The following P2RX7 variants were observed in gnomAD, a reference collection of about 807,000 sequenced individuals.
The protein encoded by P2RX7 is purinergic receptor P2X 7, also known as P2X purinoceptor 7.
In P2RX7, 62 loss-of-function variants were observed where a neutral mutation model predicts 71.6. The ratio of observed to expected loss-of-function variants is 0.87; its 90% CI spans 0.71 to 1.07. The LOEUF (loss-of-function observed/expected upper bound fraction) is 1.07. Among genes scored for constraint, P2RX7 ranks in the 50% least tolerant of loss-of-function variants. P2RX7 has a pLI of 0.00. For synonymous variants in P2RX7, 299 were observed against 283.3 expected (o/e 1.06, Z -0.56); for missense variants, 686 against 748.5 (o/e 0.92, Z 0.97).
At position 121,165,447 on chromosome 12, in the gene P2RX7, C is replaced by T. The variant is rs779423422; in HGVS notation, c.614+10C>T. 1 of 1,609,800 alleles carries T rather than the reference C, an allele frequency of 6.2e-7. No homozygotes were observed. The highest frequency in any genetic ancestry group is 8.5e-7 in the Non-Finnish European group (1 of 1,176,120). ...GCCACAACTACACCACGTAAGTGCC[C>T]AGGCTGCCTGGCTGTCTTAGTTATC... On this transcript the variant is annotated intron_variant, in intron 6 of 12. Coordinates refer to ENST00000328963, the MANE Select transcript of P2RX7 (RefSeq NM_002562.6).
At chr12:121,181,286 A>G (rs1292501079) in intron 12 of P2RX7, among the ~76,000 whole-genome samples, 1 of 152,128 alleles carries the variant, frequency 6.6e-6, no homozygotes, top group East Asian at 1.9e-4. Context: ...TAAATATCCA[A>G]CTTATTCAGC....
At chr12:121,170,743 C>T (rs1278067031) in intron 8 of P2RX7, among the ~76,000 whole-genome samples, 1 of 152,128 alleles carries the variant, frequency 6.6e-6, no homozygotes, top group Non-Finnish European at 1.5e-5. Flanking sequence ...CACTTCACTC[C>T]AGCCTGGGCG....
At chr12:121,184,066 A>C (rs75662095) in intron 12 of P2RX7, among the ~76,000 whole-genome samples, 1 of 56,154 alleles carries the variant, frequency 1.8e-5, no homozygotes, top group Non-Finnish European at 4.2e-5. Flanking sequence ...CCCTCTCTCA[A>C]AAAAAAAAAA....
At position 121,154,693 on chromosome 12, in the gene P2RX7, A is replaced by G; in HGVS notation, c.126-92A>G. The G allele has an allele frequency of 1.2e-6, 1 of 826,128 alleles. No homozygotes were observed. 51.2% of individuals were successfully genotyped at this position (826,128 alleles called of 1,614,324 possible). ...AAGCAAGTCACGCAGCAGAGCTAGG[A>G]TTGGAACAGAAGTGCCTGCATCCTC... On this transcript the variant is annotated intron_variant, in intron 1 of 12. Transcript: ENST00000328963. The surrounding 1 kb of genome is among the most constrained non-coding windows in gnomAD (Gnocchi z 4.2).
chr12:121,161,081 C>T, intron 4 of P2RX7, 107 bp downstream of exon 4: 1 of 843,824 alleles, frequency 1.2e-6, no homozygotes, highest in South Asian at 1.3e-5. Context: ...CAGCTGCCCT[C>T]TTCCACCATC....
At chr12:121,175,173 C>T (rs1416366990) in intron 8 of P2RX7, among the ~76,000 whole-genome samples, 2 of 142,456 alleles carry the variant, frequency 1.4e-5, no homozygotes, top group South Asian at 2.1e-4. Context: ...TAGCCGAGCA[C>T]GGTGGTGCAT....
intron 3 of P2RX7, among the ~76,000 whole-genome samples, chr12:121,160,621 TC>T (rs1404445218): frequency 3.3e-5 from 5 of 152,210 alleles, no homozygotes; most frequent in Admixed American, 6.5e-5. Context: ...GTGTCTGTCT[TC>T]TTTCACTCAG....
chr12:121,175,310 C>CA (rs370710698), intron 8 of P2RX7, 78 bp from the exon 9 acceptor site: 38,828 of 463,514 alleles, frequency 0.084, 82 homozygotes, highest in East Asian at 0.15. Flanking sequence ...GACCCTGTCT[C>CA]AAAAAAAAAA....
Position 121,177,140 on chromosome 12 carries a change from T to C in P2RX7, c.973-7T>C. 6.2e-7 allele frequency: 1 copy of C among 1,613,606 alleles called. No homozygotes were observed. The highest frequency in any genetic ancestry group is 8.5e-7 in the Non-Finnish European group (1 of 1,179,584). The stretch of plus-strand genomic sequence containing the variant: ...CACCTGAGTAAACTCTCCCACTCTG[T>C]TTTTAGGGAGGAAAATTTGACATTA... On this transcript the variant is annotated splice_region_variant and splice_polypyrimidine_tract_variant and intron_variant, in intron 9 of 12. Coordinates refer to ENST00000328963, the MANE Select transcript of P2RX7 (RefSeq NM_002562.6).
At position 121,187,920 on chromosome 12, in the gene P2RX7, G is replaced by A. The variant is rs1326045398; in HGVS notation, c.*3118G>A. 1 of 152,116 alleles carries A rather than the reference G, an allele frequency of 6.6e-6. No homozygotes were observed. The highest frequency in any genetic ancestry group is 1.5e-5 in the Non-Finnish European group (1 of 68,038). 9.4% of individuals were successfully genotyped at this position (152,116 alleles called of 1,614,324 possible). A position where few individuals can be genotyped will look rare whatever the true frequency, so the allele number is the denominator to read the frequency against. The stretch of plus-strand genomic sequence containing the variant: ...TTCACATAGCATTGGTAATAGACAT[G>A]CATTTCTCTTTCTAAAGGGGAGTAA... On this transcript the variant is annotated 3_prime_UTR_variant, in exon 13 of 13. Transcript: ENST00000328963.
At position 121,166,398 on chromosome 12, in the gene P2RX7, C is replaced by T. The variant is rs141153510; in HGVS notation, c.744+211C>T. Reference sequence around the variant, plus strand: ...ATGAGTGAGAGCTACTTGGTGTATTCCTTTCCTGTGGCTGCTGTAGCAAGT... The same window carrying T: ...ATGAGTGAGAGCTACTTGGTGTATTTCTTTCCTGTGGCTGCTGTAGCAAGT... On this transcript the variant is annotated intron_variant, in intron 7 of 12. Transcript: ENST00000328963. 2.6e-5 allele frequency among the ~76,000 whole-genome samples: 4 copies of T among 152,308 alleles called. No individual in the cohort carries two copies. The East Asian group carries it at 7.7e-4, about 29-fold the overall frequency.
chr12:121,166,019 G>A lies in P2RX7; in HGVS notation c.615-39G>A, dbSNP rs751296912. On this transcript the variant is annotated intron_variant, in intron 6 of 12. Coordinates refer to ENST00000328963, the MANE Select transcript of P2RX7 (RefSeq NM_002562.6). ...GAAAGAGACAGATCTGTTTTCAATCGAGATGTTTGTTTGTTTGTTTGCTTT... is the reference window on the plus strand; with the variant it reads ...GAAAGAGACAGATCTGTTTTCAATCAAGATGTTTGTTTGTTTGTTTGCTTT... 8 of 1,582,316 alleles carry A rather than the reference G, an allele frequency of 5.1e-6. No homozygotes were observed. The South Asian group carries it at 5.6e-5, about 11-fold the overall frequency.
Position 121,154,420 on chromosome 12 carries a change from C to T in P2RX7, c.126-365C>T, listed in dbSNP as rs533061978. On this transcript the variant is annotated intron_variant, in intron 1 of 12. Coordinates refer to ENST00000328963, the MANE Select transcript of P2RX7 (RefSeq NM_002562.6). The surrounding 1 kb of genome is among the most constrained non-coding windows in gnomAD (Gnocchi z 4.2). Reference sequence around the variant, plus strand: ...AGGTGCTGATGTGTTACTGAGCCTCCAGACAAAGCTGGCGAACCCACCGGG... The same window carrying T: ...AGGTGCTGATGTGTTACTGAGCCTCTAGACAAAGCTGGCGAACCCACCGGG... 3.3e-5 allele frequency among the ~76,000 whole-genome samples: 5 copies of T among 152,172 alleles called. 1 individual carries two copies. Among genetic ancestry groups the T allele is most frequent in the Admixed American group, 3.3e-4 (5 of 15,272 alleles).
intron 1 of P2RX7, among the ~76,000 whole-genome samples, chr12:121,137,558 C>A (rs532213741): frequency 1.2e-4 from 19 of 152,336 alleles, no homozygotes; most frequent in African/African-American, 4.3e-4. Flanking sequence ...AAAACTATCA[C>A]CAGCTTTGCT....
At chr12:121,145,397 A>G (rs1355097776) in intron 1 of P2RX7, among the ~76,000 whole-genome samples, 1 of 152,080 alleles carries the variant, frequency 6.6e-6, no homozygotes, top group African/African-American at 2.4e-5. Flanking sequence ...ACTTGGCAAG[A>G]GAGGCTTTAG....
At position 121,147,313 on chromosome 12, in the gene P2RX7, A is replaced by AG. The variant is rs368723704; in HGVS notation, c.126-7471dup. ...GGTAATAATAGTACCTTCCTTATAG[A>AG]GTTGGTTTTTTGTTTTTGTTTTTGT... On this transcript the variant is annotated intron_variant, in intron 1 of 12. Transcript: ENST00000328963. 3.8e-3 allele frequency among the ~76,000 whole-genome samples: 581 copies of AG among 152,192 alleles called. 5 individuals carry two copies. The highest frequency in any genetic ancestry group is 0.014 in the African/African-American group (564 of 41,510).
At chr12:121,163,992 C>T (rs949323475) in intron 5 of P2RX7, among the ~76,000 whole-genome samples, 1 of 151,046 alleles carries the variant, frequency 6.6e-6, no homozygotes, top group Admixed American at 6.6e-5. Flanking sequence ...AATAGCTCCA[C>T]TCAGGTTCAT....
chr12:121,133,175 C>T, intron 1 of P2RX7, 80 bp downstream of exon 1: 2 of 1,484,962 alleles, frequency 1.3e-6, no homozygotes, highest in South Asian at 2.3e-5. Flanking sequence ...TTCAGGTGCA[C>T]ATTCTGAATC....
At position 121,186,066 on chromosome 12, in the gene P2RX7, A is replaced by G; in HGVS notation, c.*1264A>G. The G allele has an allele frequency of 6.5e-6, 1 of 152,986 alleles. No homozygotes were observed. The highest frequency in any genetic ancestry group is 1.5e-5 in the Non-Finnish European group (1 of 68,944). 9.5% of individuals were successfully genotyped at this position (152,986 alleles called of 1,614,324 possible). On this transcript the variant is annotated 3_prime_UTR_variant, in exon 13 of 13. Transcript: ENST00000328963. ...GAGACTCCATCTCAAAAAAAAAAAA[A>G]AGAAAAAAAAAATGTCTGCCTATCC...
Sources: allele counts gnomAD v4.1 joint callset (sites outside exome capture counted in the v4.1 genomes callset), GRCh38; gene constraint gnomAD v4.1.1; non-coding constraint Gnocchi (gnomAD v3.1); transcripts MANE v1.5; gene names NCBI Gene and HGNC (gene_info 2026-07-23, HGNC 2026-07-21).